Variants in TP73 observed in about 807,000 individuals in gnomAD.
TP73 encodes the protein p53-like transcription factor.
In TP73, 25 loss-of-function variants were observed where a neutral mutation model predicts 62.5. The ratio of observed to expected loss-of-function variants is 0.40; its 90% confidence interval spans 0.29 to 0.56. The LOEUF (loss-of-function observed/expected upper bound fraction) is 0.56, where lower values mean the gene tolerates loss of function less well. Among genes scored for constraint, TP73 ranks in the 20% least tolerant of loss-of-function variants. The pLI is 0.46. For missense variants in TP73, 754 were observed against 913.3 expected, an observed-to-expected ratio of 0.83 and a Z score of 2.25; for synonymous variants, 423 against 377.5, an observed-to-expected ratio of 1.12 and a Z score of -1.40.
intron 11 of TP73, 63 bp downstream of exon 11, chr1:3,730,211 C>A: frequency 7.0e-7 from 1 of 1,431,870 alleles, no homozygotes; most frequent in East Asian, 2.6e-5. Flanking sequence ...GGGCGCCTAG[C>A]TCAGGACACA....
chr1:3,681,959 G>A (rs757972851), intron 1 of TP73, among the ~76,000 whole-genome samples: 3 of 152,006 alleles, frequency 2.0e-5, no homozygotes, highest in African/African-American at 2.4e-5. Flanking sequence ...CGCTTGTCCC[G>A]GCCCAAGCAT....
intron 3 of TP73, among the ~76,000 whole-genome samples, chr1:3,702,042 C>A (rs1639215123): frequency 6.6e-6 from 1 of 152,154 alleles, no homozygotes; most frequent in African/African-American, 2.4e-5. Context: ...CCCAGAAGAA[C>A]CTGCTGTTCT....
At position 3,681,798 on chromosome 1, in the gene TP73, CA is replaced by C. The variant is rs1045905957; in HGVS notation, c.-33-534del. On this transcript the variant is annotated intron_variant, in intron 1 of 13. Coordinates refer to ENST00000378295, the MANE Select transcript of TP73 (RefSeq NM_005427.4). ...GGAGCCACCTCCAGGTCCCGGGCAT[CA>C]GGGAGACCCCAAACCTGGCTGCATC... Among the ~76,000 whole-genome samples, 19 of 152,232 alleles carry C rather than the reference CA, an allele frequency of 1.2e-4. No individual in the cohort carries two copies. The South Asian group carries it at 1.4e-3, about 12-fold the overall frequency.
At chr1:3,718,173 G>A (rs1640765445) in intron 4 of TP73, among the ~76,000 whole-genome samples, 1 of 152,210 alleles carries the variant, frequency 6.6e-6, no homozygotes, top group African/African-American at 2.4e-5. Flanking sequence ...CCTGCACCGA[G>A]TACCAGGGAC....
At chr1:3,728,359 G>A in intron 9 of TP73, 142 bp downstream of exon 9, 1 of 814,146 alleles carries the variant, frequency 1.2e-6, no homozygotes, top group Non-Finnish European at 1.9e-6. Context: ...AGAGGGTCCA[G>A]AGGGCAGAAC....
chr1:3,686,665 C>T (rs540206409), intron 3 of TP73, among the ~76,000 whole-genome samples: 1 of 152,258 alleles, frequency 6.6e-6, no homozygotes, highest in East Asian at 1.9e-4. Flanking sequence ...ACTGTGAGCT[C>T]TGTGTGGCCA....
At position 3,723,412 on chromosome 1, in the gene TP73, T is replaced by C. The variant is rs146465475; in HGVS notation, c.675T>C (p.Tyr225=). 7.8e-5 allele frequency: 126 copies of C among 1,612,444 alleles called. No individual in the cohort carries two copies. The African/African-American group carries it at 1.6e-3, about 20-fold the overall frequency. ...IRVEGNNLSQ[Y]VDDPVTGRQS... is the part of the protein sequence containing the mutation. Reference sequence around the variant, plus strand: ...TGGAAGGCAATAATCTCTCGCAGTATGTGGATGACCCTGTCACCGGCAGGC... The same window carrying C: ...TGGAAGGCAATAATCTCTCGCAGTACGTGGATGACCCTGTCACCGGCAGGC... Residue 225 remains tyrosine, a synonymous_variant, in exon 6 of 14, where the codon TAT becomes TAC. Coordinates refer to ENST00000378295, the MANE Select transcript of TP73 (RefSeq NM_005427.4).
chr1:3,715,577 C>T (rs1417460976), intron 4 of TP73, among the ~76,000 whole-genome samples: 1 of 152,156 alleles, frequency 6.6e-6, no homozygotes, highest in Admixed American at 6.5e-5. Flanking sequence ...GTGAGGGCCC[C>T]GCGCAGGGCA....
At chr1:3,716,502 T>C (rs949252857) in intron 4 of TP73, among the ~76,000 whole-genome samples, 3 of 152,210 alleles carry the variant, frequency 2.0e-5, no homozygotes, top group African/African-American at 7.2e-5. Flanking sequence ...GCCACATGTG[T>C]CCTTTCCCCC....
chr1:3,677,378 C>A (rs2102067767), intron 1 of TP73, among the ~76,000 whole-genome samples: 1 of 152,268 alleles, frequency 6.6e-6, no homozygotes, highest in East Asian at 1.9e-4. Flanking sequence ...CCTTTCCAGC[C>A]TGGCAAAGGG....
chr1:3,698,011 T>C, intron 3 of TP73: 2 of 924,616 alleles, frequency 2.2e-6, no homozygotes, highest in African/African-American at 1.8e-5. Context: ...TAATTCAAGT[T>C]CTCGGCTCAG....
rs549824263 is a variant in TP73 at position 3,662,514 on chromosome 1, C to A, written c.-34+9873C>A. ...GTCACGCGGACATGCGTCTCTCAGG[C>A]GATCAGAGTTACCTGGAGCCGCTCT... On this transcript the variant is annotated intron_variant, in intron 1 of 13. Transcript: ENST00000378295. This position sits in a 1 kb window ranked among gnomAD's most constrained non-coding sequence, Gnocchi z 4.4. Among the ~76,000 whole-genome samples the A allele has an allele frequency of 2.0e-5, 3 of 152,172 alleles. No homozygotes were observed. The highest frequency in any genetic ancestry group is 1.3e-4 in the Admixed American group (2 of 15,278).
At position 3,733,034 on chromosome 1, in the gene TP73, C is replaced by T; in HGVS notation, c.1866C>T (p.Arg622=). ...TCGACCTGCCCGACTGCAAGGCCCGCAAGCAGCCCATCAAGGAGGAGTTCA... is the reference window on the plus strand; with the variant it reads ...TCGACCTGCCCGACTGCAAGGCCCGTAAGCAGCCCATCAAGGAGGAGTTCA... ...FGFDLPDCKA[R]KQPIKEEFTE... The change falls in exon 14 of 14, where the codon CGC becomes CGT. Residue 622 remains arginine (R), a synonymous_variant. Coordinates refer to ENST00000378295, the MANE Select transcript of TP73 (RefSeq NM_005427.4). The T allele has an allele frequency of 1.3e-6, 2 of 1,546,792 alleles. No individual in the cohort carries two copies. Among genetic ancestry groups the T allele is most frequent in the Non-Finnish European group, 1.7e-6 (2 of 1,150,712 alleles).
rs1214806031 is a variant in TP73, at chr1:3,696,793, G to A, written c.187-10756G>A. 6.6e-6 allele frequency among the ~76,000 whole-genome samples: 1 copy of A among 152,098 alleles called. No individual in the cohort carries two copies. Among genetic ancestry groups the A allele is most frequent in the Non-Finnish European group, 1.5e-5 (1 of 68,006 alleles). ...AGCGGTGGGGCTCAAGCCATGTGGG[G>A]CCAGGGGAGGGACCAGTTGTCCTAA... On this transcript the variant is annotated intron_variant, in intron 3 of 13. Coordinates refer to ENST00000378295, the MANE Select transcript of TP73 (RefSeq NM_005427.4). This position sits in a 1 kb window ranked among gnomAD's most constrained non-coding sequence, Gnocchi z 4.1.
At chr1:3,667,672 C>T (rs1441395139) in intron 1 of TP73, among the ~76,000 whole-genome samples, 5 of 151,078 alleles carry the variant, frequency 3.3e-5, no homozygotes, top group Non-Finnish European at 7.4e-5. Flanking sequence ...ATCGCTTGAA[C>T]CTGGGAGGCA....
intron 1 of TP73, among the ~76,000 whole-genome samples, chr1:3,667,210 C>T (rs1645138629): frequency 6.6e-6 from 1 of 152,320 alleles, no homozygotes; most frequent in South Asian, 2.1e-4. Context: ...GGGATTCTCC[C>T]AGGGCCCCCC....
intron 3 of TP73, among the ~76,000 whole-genome samples, chr1:3,688,527 A>G (rs1272436183): frequency 1.3e-5 from 2 of 152,092 alleles, no homozygotes; most frequent in African/African-American, 4.8e-5. Context: ...GTCAGGCGGA[A>G]TCCCCGGTGA....
chr1:3,725,758 G>GATGGATGA, intron 6 of TP73, among the ~76,000 whole-genome samples: 1 of 112,268 alleles, frequency 8.9e-6, no homozygotes, highest in African/African-American at 3.5e-5. Flanking sequence ...TGGATGGATG[G>GATGGATGA]ATGGGGTGGG....
rs941353111 is a variant in TP73 at position 3,723,277 on chromosome 1, G to T, written c.617-77G>T. On this transcript the variant is annotated intron_variant, in intron 5 of 13. Coordinates refer to ENST00000378295, the MANE Select transcript of TP73 (RefSeq NM_005427.4). ...GGGCACCCTTTGAACCCGGCACAGGGCTGGGCACCTCTCTGCACCTAGCAC... is the reference window on the plus strand; with the variant it reads ...GGGCACCCTTTGAACCCGGCACAGGTCTGGGCACCTCTCTGCACCTAGCAC... 11 of 1,225,706 alleles carry T rather than the reference G, an allele frequency of 9.0e-6. No homozygotes were observed. The African/African-American group carries it at 1.5e-4, about 17-fold the overall frequency. 75.9% of individuals were successfully genotyped at this position (1,225,706 alleles called of 1,614,324 possible).
Sources: allele counts gnomAD v4.1 joint callset (sites outside exome capture counted in the v4.1 genomes callset), GRCh38; gene constraint gnomAD v4.1.1; non-coding constraint Gnocchi (gnomAD v3.1); transcripts MANE v1.5; gene names NCBI Gene and HGNC (gene_info 2026-07-23, HGNC 2026-07-21).